ZNF385D: variants seen among roughly 807,000 people sequenced by gnomAD.
The protein encoded by ZNF385D is zinc finger protein 385D, also known as zinc finger protein 659.
ZNF385D carries 15 observed loss-of-function variants against 35.8 expected under a neutral mutation model. That is an observed-to-expected ratio of 0.42 (90% CI 0.28 to 0.64). The LOEUF is 0.64. ZNF385D is among the 30% of genes least tolerant of loss of function. The pLI, the probability that ZNF385D is intolerant of heterozygous loss-of-function variation, is 0.23. For missense variants in ZNF385D, 474 were observed against 494.6 expected (o/e 0.96, Z 0.39); for synonymous variants, 212 against 186.8 (o/e 1.13, Z -1.10).
rs61668943 is a variant in ZNF385D at position 22,180,914 on chromosome 3, C to CTTTTTTTTTTTTTTTTTTTTTTT, written c.107-11880_107-11879insAAAAAAAAAAAAAAAAAAAAAAA. On this transcript the variant is annotated intron_variant, in intron 2 of 5. Coordinates refer to the ZNF385D transcript ENST00000494108. ...AATCCAGTAGCTATATGCTTTTGTT[C>CTTTTTTTTTTTTTTTTTTTTTTT]TTTTTTTTTTTTTTTTAAGAGACAG... Among the ~76,000 whole-genome samples the CTTTTTTTTTTTTTTTTTTTTTTT allele has an allele frequency of 1.2e-4, 14 of 112,952 alleles. 1 individual carries two copies. The highest frequency in any genetic ancestry group is 5.0e-4 in the African/African-American group (12 of 23,788). The allele number at this position is 112,952 out of a possible 152,430, so 74.1% of individuals were successfully genotyped here.
At chr3:21,738,718 T>C (rs748249708) in intron 1 of ZNF385D, among the ~76,000 whole-genome samples, 12 of 152,134 alleles carry the variant, frequency 7.9e-5, no homozygotes, top group Non-Finnish European at 1.2e-4. Context: ...CCCTTATGTT[T>C]AATCCCCTTT....
At chr3:22,266,847 G>A (rs1700921902) in intron 2 of ZNF385D, among the ~76,000 whole-genome samples, 1 of 151,890 alleles carries the variant, frequency 6.6e-6, no homozygotes, top group African/African-American at 2.4e-5. Context: ...GCAAAGTCAT[G>A]TTCTCTTTTC....
intron 4 of ZNF385D, among the ~76,000 whole-genome samples, chr3:21,472,601 A>G (rs1013415804): frequency 1.3e-5 from 2 of 152,172 alleles, no homozygotes; most frequent in Admixed American, 6.6e-5. Context: ...GCAAACTGCA[A>G]TCTAACTTAA....
intron 2 of ZNF385D, among the ~76,000 whole-genome samples, chr3:22,210,426 A>C (rs1697445936): frequency 6.6e-6 from 1 of 151,872 alleles, no homozygotes. Flanking sequence ...AACACGAATC[A>C]GCTTAAGGAC....
intron 2 of ZNF385D, among the ~76,000 whole-genome samples, chr3:22,238,937 G>A (rs1188389713): frequency 6.7e-6 from 1 of 149,962 alleles, no homozygotes; most frequent in Non-Finnish European, 1.5e-5. Flanking sequence ...ATGTTGTACA[G>A]GCTGATCACA....
chr3:21,747,437 C>G (rs556876156), intron 1 of ZNF385D, among the ~76,000 whole-genome samples: 1 of 152,158 alleles, frequency 6.6e-6, no homozygotes, highest in African/African-American at 2.4e-5. Context: ...TGATATGCAG[C>G]CACACAGAAT....
rs75485418 is a variant in ZNF385D at position 21,465,603 on chromosome 3, G to A, written c.440-28400C>T. Among the ~76,000 whole-genome samples the A allele has an allele frequency of 2.2e-3, 333 of 152,242 alleles. 6 individuals carry two copies. The East Asian group carries it at 0.024, about 11-fold the overall frequency. On this transcript the variant is annotated intron_variant, in intron 4 of 7. Transcript: ENST00000281523. The surrounding 1 kb of genome is among the most constrained non-coding windows in gnomAD (Gnocchi z 4.2). ...AAATACATCCTTCCAGAATGTATTC[G>A]AGTTATGCATATTTCCTGGCACTCT...
At chr3:21,769,229 G>T (rs1467777618) in intron 3 of ZNF385D, among the ~76,000 whole-genome samples, 5 of 151,770 alleles carry the variant, frequency 3.3e-5, no homozygotes, top group Admixed American at 3.3e-4. Context: ...GGAAGTTCTG[G>T]CCAGGGCAAT....
chr3:21,726,303 A>G (rs900902391), intron 1 of ZNF385D, among the ~76,000 whole-genome samples: 4 of 152,234 alleles, frequency 2.6e-5, no homozygotes, highest in Non-Finnish European at 4.4e-5. Context: ...CTCCTATTCA[A>G]CATAATACTG....
intron 3 of ZNF385D, among the ~76,000 whole-genome samples, chr3:21,825,907 G>A (rs2125748365): frequency 6.6e-6 from 1 of 152,252 alleles, no homozygotes; most frequent in African/African-American, 2.4e-5. Flanking sequence ...TCCCACCAGC[G>A]GGGGCATTAG....
intron 2 of ZNF385D, among the ~76,000 whole-genome samples, chr3:22,311,727 A>G (rs1190468320): frequency 1.3e-5 from 2 of 152,080 alleles, no homozygotes; most frequent in Non-Finnish European, 2.9e-5. Flanking sequence ...CTCTCATCTC[A>G]TGCTTTGCTC....
At chr3:22,265,162 T>C (rs1466260751) in intron 2 of ZNF385D, among the ~76,000 whole-genome samples, 1 of 151,940 alleles carries the variant, frequency 6.6e-6, no homozygotes, top group African/African-American at 2.4e-5. Context: ...AAAAATATAA[T>C]TGCAAATTGT....
At chr3:22,333,607 C>A (rs1695035173) in intron 2 of ZNF385D, among the ~76,000 whole-genome samples, 1 of 152,062 alleles carries the variant, frequency 6.6e-6, no homozygotes, top group South Asian at 2.1e-4. Flanking sequence ...CTAAAATCTC[C>A]CATTTTGTTC....
intron 2 of ZNF385D, among the ~76,000 whole-genome samples, chr3:22,368,857 T>C (rs1696776637): frequency 6.6e-6 from 1 of 152,190 alleles, no homozygotes; most frequent in Non-Finnish European, 1.5e-5. Flanking sequence ...CATCACTAGC[T>C]TTACCAGGCT....
At chr3:22,079,847 C>G (rs1465025671) in intron 3 of ZNF385D, among the ~76,000 whole-genome samples, 1 of 151,766 alleles carries the variant, frequency 6.6e-6, no homozygotes, top group East Asian at 1.9e-4. Context: ...ACTGATGACT[C>G]TGATCTTTGT....
intron 3 of ZNF385D, among the ~76,000 whole-genome samples, chr3:22,064,758 TG>T (rs1699845758): frequency 6.6e-6 from 1 of 152,168 alleles, no homozygotes; most frequent in African/African-American, 2.4e-5. Context: ...AGTAGTATAA[TG>T]GTGGCTGCCA....
intron 2 of ZNF385D, among the ~76,000 whole-genome samples, chr3:22,204,070 A>T (rs145346116): frequency 1.5e-3 from 227 of 152,212 alleles, no homozygotes; most frequent in African/African-American, 5.1e-3. Context: ...GATCCAGCAC[A>T]ATCCCAATGG....
chr3:21,995,902 G>A lies in ZNF385D; in HGVS notation c.325+172915C>T, dbSNP rs75114792. Among the ~76,000 whole-genome samples the A allele has an allele frequency of 8.5e-5, 13 of 152,186 alleles. No individual in the cohort carries two copies. The East Asian group carries it at 2.3e-3, about 27-fold the overall frequency. On this transcript the variant is annotated intron_variant, in intron 3 of 5. Coordinates refer to the ZNF385D transcript ENST00000494108. Reference sequence around the variant, plus strand: ...TTGTCCTAGGGGCAGCTTTCCCAGTGTGCTACATTGTCTATACCTTGGGGT... The same window carrying A: ...TTGTCCTAGGGGCAGCTTTCCCAGTATGCTACATTGTCTATACCTTGGGGT...
At chr3:21,659,959 A>G (rs2066186155) in intron 2 of ZNF385D, among the ~76,000 whole-genome samples, 1 of 152,088 alleles carries the variant, frequency 6.6e-6, no homozygotes, top group Non-Finnish European at 1.5e-5. Context: ...CACTGCTATA[A>G]ATCACATAAA....
Sources: gnomAD v4.1 joint callset for allele counts (sites outside exome capture counted in the v4.1 genomes callset) on GRCh38, gnomAD v4.1.1 for gene constraint, Gnocchi (gnomAD v3.1) non-coding constraint, MANE v1.5 for transcripts, NCBI Gene and HGNC (gene_info 2026-07-23, HGNC 2026-07-21) for gene names.